RBP5: variants seen among roughly 807,000 people sequenced by gnomAD.
The protein encoded by RBP5 is retinol binding protein 5.
A neutral mutation model predicts 17.8 loss-of-function variants in RBP5; 12 were observed. That is an observed-to-expected ratio of 0.67 (90% CI 0.43 to 1.09). The LOEUF (loss-of-function observed/expected upper bound fraction) is 1.09. Among genes scored for constraint, RBP5 ranks in the 50% least tolerant of loss-of-function variants. The probability of loss-of-function intolerance (pLI) is 0.00; values close to 1 mark genes in which losing one functional copy is unlikely to be tolerated. For synonymous variants in RBP5, 64 were observed against 68.1 expected (o/e 0.94, Z 0.30); for missense variants, 172 against 169.4 (o/e 1.02, Z -0.09).
At position 7,125,826 on chromosome 12, in the gene RBP5, A is replaced by G. The variant is rs141154982; in HGVS notation, c.253-1096T>C. ...TTGTATGCTGAGTTAAGTGTAACAG[A>G]TGATGTAATGTAATAGATCATCACT... On this transcript the variant is annotated intron_variant, in intron 2 of 3. Transcript: ENST00000266560. Among the ~76,000 whole-genome samples the G allele has an allele frequency of 4.4e-4, 67 of 152,332 alleles. 2 individuals carry two copies. The East Asian group carries it at 0.013, about 29-fold the overall frequency.
chr12:7,115,774 C>T (rs1381311796), exon 4 of RBP5: 2 of 152,244 alleles, frequency 1.3e-5, no homozygotes, highest in African/African-American at 2.4e-5. Flanking sequence ...CACAGTTCTG[C>T]GGGCTTAACA....
rs151004941 is a variant in RBP5 at position 7,125,567 on chromosome 12, G to T, written c.253-837C>A. ...AGCTCAGAGTCTTGAAGAGATAGAG[G>T]ATCAGTAAATAGGTAACTGTGACAC... is the stretch of plus-strand genomic sequence containing the variant. On this transcript the variant is annotated intron_variant, in intron 2 of 3. Coordinates refer to ENST00000266560, the MANE Select transcript of RBP5 (RefSeq NM_031491.4). 5.1e-3 allele frequency among the ~76,000 whole-genome samples: 783 copies of T among 152,302 alleles called. 4 individuals are homozygous for T. The highest frequency in any genetic ancestry group is 0.018 in the African/African-American group (736 of 41,558).
chr12:7,126,552 T>TGTGG (rs1315955170), intron 2 of RBP5, among the ~76,000 whole-genome samples: 12 of 142,284 alleles, frequency 8.4e-5, no homozygotes, highest in African/African-American at 3.3e-4. Context: ...TGTGTGTGTG[T>TGTGG]GTGTGTGCTG....
intron 2 of RBP5, chr12:7,127,770 G>C (rs938200698): frequency 5.7e-6 from 4 of 696,446 alleles, no homozygotes; most frequent in African/African-American, 1.8e-5. Context: ...ATAGTGGGCA[G>C]ACAAAAGGGA....
In RBP5 at chr12:7,124,904, C is replaced by G. The variant is rs1295271615; in HGVS notation, c.253-174G>C. 6.6e-6 allele frequency among the ~76,000 whole-genome samples: 1 copy of G among 152,096 alleles called. No homozygotes were observed. Among genetic ancestry groups the G allele is most frequent in the Non-Finnish European group, 1.5e-5 (1 of 68,012 alleles). ...AGCAGGACTCCCTTTCCACCCTACT[C>G]TTTGTTTTTTGTGTTTTTTTGAGAC... On this transcript the variant is annotated intron_variant, in intron 2 of 3. Transcript: ENST00000266560. This position sits in a 1 kb window ranked among gnomAD's most constrained non-coding sequence, Gnocchi z 5.3.
intron 2 of RBP5, among the ~76,000 whole-genome samples, chr12:7,125,783 GT>G (rs1939150027): frequency 6.6e-6 from 1 of 152,228 alleles, no homozygotes; most frequent in Non-Finnish European, 1.5e-5. Context: ...CAATTGAAGA[GT>G]TGATTCACAG....
chr12:7,120,139 C>A (rs1939059885), downstream of RBP5, among the ~76,000 whole-genome samples: 1 of 152,028 alleles, frequency 6.6e-6, no homozygotes, highest in Non-Finnish European at 1.5e-5. Context: ...TAGGGGGAGG[C>A]AGGAGGCTCA....
Position 7,128,099 on chromosome 12 carries a change from G to T in RBP5, c.252+141C>A. On this transcript the variant is annotated intron_variant, in intron 2 of 3. Transcript: ENST00000266560. The surrounding 1 kb of genome is among the most constrained non-coding windows in gnomAD (Gnocchi z 5.3). ...GTTAGTTCTGGAGACTGGTATCCTG[G>T]GGACTGCATTCCCTGCTGTGGTGAC... The T allele has an allele frequency of 1.5e-6, 1 of 688,230 alleles. No homozygotes were observed. 42.6% of individuals were successfully genotyped at this position (688,230 alleles called of 1,614,324 possible). A position where few individuals can be genotyped will look rare whatever the true frequency, so the allele number is the denominator to read the frequency against.
rs151166027 is a variant in RBP5 at position 7,128,613 on chromosome 12, C to T, written c.73+90G>A. Reference sequence around the variant, plus strand: ...TGAGCCTTTCCACAGTGTCCAACCCCGGGCATTCCCTCTTCTCCATGGGAC... The same window carrying T: ...TGAGCCTTTCCACAGTGTCCAACCCTGGGCATTCCCTCTTCTCCATGGGAC... On this transcript the variant is annotated intron_variant, in intron 1 of 3. Transcript: ENST00000266560. The surrounding 1 kb of genome is among the most constrained non-coding windows in gnomAD (Gnocchi z 5.3). 23 of 1,322,754 alleles carry T rather than the reference C, an allele frequency of 1.7e-5. No individual in the cohort carries two copies. The highest frequency in any genetic ancestry group is 2.9e-5 in the African/African-American group (2 of 68,302). 81.9% of individuals were successfully genotyped at this position (1,322,754 alleles called of 1,614,324 possible).
At position 7,128,122 on chromosome 12, in the gene RBP5, G is replaced by T; in HGVS notation, c.252+118C>A. On this transcript the variant is annotated intron_variant, in intron 2 of 3. Transcript: ENST00000266560. The surrounding 1 kb of genome is among the most constrained non-coding windows in gnomAD (Gnocchi z 5.3). Reference sequence around the variant, plus strand: ...TGGGGACTGCATTCCCTGCTGTGGTGACCATTCCCCTCCTCCCCGCTGCTC... The same window carrying T: ...TGGGGACTGCATTCCCTGCTGTGGTTACCATTCCCCTCCTCCCCGCTGCTC... The T allele has an allele frequency of 1.2e-6, 1 of 864,466 alleles. No individual in the cohort carries two copies. Among genetic ancestry groups the T allele is most frequent in the Non-Finnish European group, 1.8e-6 (1 of 568,468 alleles). 53.5% of individuals were successfully genotyped at this position (864,466 alleles called of 1,614,324 possible).
chr12:7,128,354 CTGG>C lies in RBP5; in HGVS notation c.135_137del (p.His45del). ...GCGTCCTCACCGTCATGTGGTTGCC[CTGG>C]TGTTCGATCTCCTTGTCCGGCTTCA... is the stretch of plus-strand genomic sequence containing the variant. On this transcript the variant is annotated inframe_deletion, in exon 2 of 4. Transcript: ENST00000266560. The surrounding 1 kb of genome is among the most constrained non-coding windows in gnomAD (Gnocchi z 5.3). 1 of 1,614,200 alleles carries C rather than the reference CTGG, an allele frequency of 6.2e-7. No homozygotes were observed. The highest frequency in any genetic ancestry group is 2.2e-5 in the East Asian group (1 of 44,888).
chr12:7,127,763 G>A lies in RBP5; in HGVS notation c.252+477C>T, dbSNP rs747396739. ...GTGTAGATGATTTAGCCTATGGATA[G>A]TGGGCAGACAAAAGGGAGAAGACAT... is the stretch of plus-strand genomic sequence containing the variant. On this transcript the variant is annotated intron_variant, in intron 2 of 3. Coordinates refer to ENST00000266560, the MANE Select transcript of RBP5 (RefSeq NM_031491.4). 1.4e-4 allele frequency: 98 copies of A among 699,038 alleles called. No homozygotes were observed. The East Asian group carries it at 2.0e-3, about 14-fold the overall frequency. The allele number at this position is 699,038 out of a possible 1,614,324, so 43.3% of individuals were successfully genotyped here.
chr12:7,120,122 G>A (rs1939059419), downstream of RBP5, among the ~76,000 whole-genome samples: 1 of 152,072 alleles, frequency 6.6e-6, no homozygotes, highest in African/African-American at 2.4e-5. Flanking sequence ...CTTGGGAAAG[G>A]GTGGGGTAGG....
At chr12:7,126,513 GTGTGTGTGTGTGTGTGTGTGT>G (rs1261493357) in intron 2 of RBP5, among the ~76,000 whole-genome samples, 28 of 121,540 alleles carry the variant, frequency 2.3e-4, no homozygotes, top group African/African-American at 5.8e-4. Context: ...TGGTGGTGGT[GTGTGTGTGTGTGTGTGTGTGT>G]GTGTGTGTGT....
chr12:7,123,051 G>A (rs1252089814), downstream of RBP5, among the ~76,000 whole-genome samples: 1 of 152,058 alleles, frequency 6.6e-6, no homozygotes, highest in Non-Finnish European at 1.5e-5. Context: ...CTTCCCCCAG[G>A]CTCTTTTCCC....
chr12:7,120,912 C>G (rs182639745), downstream of RBP5: 1 of 151,738 alleles, frequency 6.6e-6, no homozygotes, highest in Non-Finnish European at 1.5e-5. Context: ...CCTGTAGTGC[C>G]GGCTACTCAG....
At chr12:7,127,651 T>G (rs957691536) in intron 2 of RBP5, 1 of 702,306 alleles carries the variant, frequency 1.4e-6, no homozygotes, top group Non-Finnish European at 2.6e-6. Context: ...TGTAGGCAGT[T>G]GAAAACATTG....
In RBP5 at chr12:7,128,190, G is replaced by C. The variant is rs774636644; in HGVS notation, c.252+50C>G. On this transcript the variant is annotated intron_variant, in intron 2 of 3. Transcript: ENST00000266560. The surrounding 1 kb of genome is among the most constrained non-coding windows in gnomAD (Gnocchi z 5.3). ...TTTGTTTTGCCCCATGTTGTTAGGA[G>C]TCTCCTGTGATGCCTCCTTCCGGCC... 3 of 1,539,678 alleles carry C rather than the reference G, an allele frequency of 1.9e-6. No individual in the cohort carries two copies. The highest frequency in any genetic ancestry group is 2.6e-6 in the Non-Finnish European group (3 of 1,132,844).
chr12:7,125,067 G>A (rs376302773), intron 2 of RBP5, among the ~76,000 whole-genome samples: 1 of 151,962 alleles, frequency 6.6e-6, no homozygotes, highest in Non-Finnish European at 1.5e-5. Context: ...CCAACATACC[G>A]GGTTAATTTT....
Sources: allele counts gnomAD v4.1 joint callset (sites outside exome capture counted in the v4.1 genomes callset), GRCh38; gene constraint gnomAD v4.1.1; non-coding constraint Gnocchi (gnomAD v3.1); transcripts MANE v1.5; gene names NCBI Gene and HGNC (gene_info 2026-07-23, HGNC 2026-07-21).